The following CMIP variants were observed in gnomAD, a reference collection of about 807,000 sequenced individuals.
The protein encoded by CMIP is c-Maf inducing protein.
CMIP carries 13 observed loss-of-function variants against 97.3 expected under a neutral mutation model. That is an observed-to-expected ratio of 0.13 (90% CI 0.09 to 0.21). The LOEUF (loss-of-function observed/expected upper bound fraction) is 0.21, where lower values mean the gene tolerates loss of function less well. Among genes scored for constraint, CMIP ranks in the 10% least tolerant of loss-of-function variants. The pLI is 1.00. For missense variants in CMIP, 847 were observed against 1,024.9 expected (o/e 0.83, Z 2.37); for synonymous variants, 538 against 436.3 (o/e 1.23, Z -2.91).
At chr16:81,603,225 A>G (rs1329229543) in intron 1 of CMIP, among the ~76,000 whole-genome samples, 1 of 151,824 alleles carries the variant, frequency 6.6e-6, no homozygotes, top group Non-Finnish European at 1.5e-5. Context: ...GACTACAGGC[A>G]CCCGCCACCA....
intron 3 of CMIP, among the ~76,000 whole-genome samples, chr16:81,646,461 G>C (rs1409657141): frequency 1.3e-5 from 2 of 152,166 alleles, no homozygotes; most frequent in African/African-American, 4.8e-5. Context: ...CCCTAGGATA[G>C]CATTTTTAAA....
At chr16:81,637,135 A>G (rs568521873) in intron 3 of CMIP, among the ~76,000 whole-genome samples, 4 of 152,160 alleles carry the variant, frequency 2.6e-5, no homozygotes, top group East Asian at 1.9e-4. Flanking sequence ...CAGTGGCACA[A>G]TCTTGGCTCA....
chr16:81,522,644 A>G (rs971355100), intron 1 of CMIP, among the ~76,000 whole-genome samples: 1 of 152,246 alleles, frequency 6.6e-6, no homozygotes, highest in Non-Finnish European at 1.5e-5. Flanking sequence ...ATAAACAAGC[A>G]AACAGGAAGC....
At chr16:81,540,246 C>G (rs190331050) in intron 1 of CMIP, among the ~76,000 whole-genome samples, 1 of 152,180 alleles carries the variant, frequency 6.6e-6, no homozygotes, top group Non-Finnish European at 1.5e-5. Context: ...GATGAGTCCC[C>G]GGCTTTCCTT....
intron 1 of CMIP, among the ~76,000 whole-genome samples, chr16:81,539,787 C>T (rs1035105034): frequency 6.6e-6 from 1 of 152,224 alleles, no homozygotes; most frequent in African/African-American, 2.4e-5. Flanking sequence ...TCCACTGGAC[C>T]TTCCATGACC....
At position 81,678,438 on chromosome 16, in the gene CMIP, A is replaced by G. The variant is rs987435632; in HGVS notation, c.1198A>G (p.Ser400Gly). The change falls in exon 10 of 21, where the codon AGT becomes GGT. Residue 400 changes from serine (S) to glycine (G), a missense_variant. Ser to Gly is a moderately conservative substitution (Grantham distance 56). Transcript: ENST00000537098. ...GCTCAAGTCGGTGGTCGTGGCCTCCAGTGAGATCCACGTGGAGGTGGAACG... is the reference window on the plus strand; with the variant it reads ...GCTCAAGTCGGTGGTCGTGGCCTCCGGTGAGATCCACGTGGAGGTGGAACG... Reference protein sequence around the residue: ...ARLKSVVVASSEIHVEVERTS... With the variant: ...ARLKSVVVASGEIHVEVERTS... The G allele has an allele frequency of 5.0e-6, 8 of 1,591,144 alleles. No individual in the cohort carries two copies. Among genetic ancestry groups the G allele is most frequent in the East Asian group, 4.6e-5 (2 of 43,130 alleles).
chr16:81,461,185 C>A (rs1906877311), intron 1 of CMIP, among the ~76,000 whole-genome samples: 2 of 152,200 alleles, frequency 1.3e-5, no homozygotes, highest in Admixed American at 6.5e-5. Context: ...CCACTTCCTC[C>A]CATGTGGCAG....
chr16:81,525,489 A>G (rs936595595), intron 1 of CMIP, among the ~76,000 whole-genome samples: 1 of 152,124 alleles, frequency 6.6e-6, no homozygotes, highest in African/African-American at 2.4e-5. Flanking sequence ...TCAAATACAT[A>G]TAACGTAAGG....
chr16:81,485,294 A>G (rs2089297968), intron 1 of CMIP, among the ~76,000 whole-genome samples: 1 of 152,248 alleles, frequency 6.6e-6, no homozygotes, highest in Non-Finnish European at 1.5e-5. Flanking sequence ...AAATACTGCG[A>G]ACGACTTTGA....
At chr16:81,685,326 C>T (rs1167172587) in intron 10 of CMIP, among the ~76,000 whole-genome samples, 1 of 152,176 alleles carries the variant, frequency 6.6e-6, no homozygotes, top group Non-Finnish European at 1.5e-5. Context: ...AGGCCACAGT[C>T]TCCCACTGGA....
At chr16:81,686,976 G>C (rs1443605041) in intron 10 of CMIP, among the ~76,000 whole-genome samples, 1 of 152,046 alleles carries the variant, frequency 6.6e-6, no homozygotes, top group Non-Finnish European at 1.5e-5. Context: ...TCTCTCTGCA[G>C]CGCCTCCCCA....
At chr16:81,449,069 C>G (rs958347886) in intron 1 of CMIP, among the ~76,000 whole-genome samples, 1 of 152,222 alleles carries the variant, frequency 6.6e-6, no homozygotes, top group Non-Finnish European at 1.5e-5. Context: ...CATGTTTGTC[C>G]GTGGGCAGAG....
At position 81,445,064 on chromosome 16, in the gene CMIP, C is replaced by T. The variant is rs140318419; in HGVS notation, c.-178C>T. ...GAAGCGCCGAGGCCGGCCCAGCCCG[C>T]CGCACGCGCCGCCCCCCGCGGGCAG... On this transcript the variant is annotated 5_prime_UTR_variant, in exon 1 of 21. Transcript: ENST00000537098. 20,996 of 228,576 alleles carry T rather than the reference C, an allele frequency of 0.092. 1,647 individuals carry two copies. Among genetic ancestry groups the T allele is most frequent in the East Asian group, 0.41 (4,488 of 11,016 alleles). 14.2% of individuals were successfully genotyped at this position (228,576 alleles called of 1,614,324 possible).
At chr16:81,474,781 T>C (rs1208880273) in intron 1 of CMIP, among the ~76,000 whole-genome samples, 2 of 152,198 alleles carry the variant, frequency 1.3e-5, no homozygotes, top group African/African-American at 4.8e-5. Context: ...TCCTGCCTCC[T>C]TGGTGCCAGG....
At chr16:81,488,298 C>G (rs2089351696) in intron 1 of CMIP, among the ~76,000 whole-genome samples, 1 of 152,164 alleles carries the variant, frequency 6.6e-6, no homozygotes, top group Non-Finnish European at 1.5e-5. Context: ...CCACTTCCTC[C>G]ACTTCCTAGT....
intron 1 of CMIP, among the ~76,000 whole-genome samples, chr16:81,509,674 G>T (rs2089775046): frequency 6.6e-6 from 1 of 152,170 alleles, no homozygotes. Context: ...TTGGGGTCAG[G>T]GCTCCAACCC....
chr16:81,483,823 C>T (rs754890406), intron 1 of CMIP, among the ~76,000 whole-genome samples: 10 of 152,296 alleles, frequency 6.6e-5, no homozygotes, highest in Non-Finnish European at 1.0e-4. Flanking sequence ...TTTCGCAACC[C>T]GTCCTGCAGC....
chr16:81,664,705 A>C, intron 7 of CMIP: 1 of 457,806 alleles, frequency 2.2e-6, no homozygotes, highest in East Asian at 3.4e-5. Flanking sequence ...GCGCACAGCG[A>C]GGTCCTTCCA....
chr16:81,600,691 C>T (rs1014127199), intron 1 of CMIP, among the ~76,000 whole-genome samples: 1 of 152,198 alleles, frequency 6.6e-6, no homozygotes, highest in Admixed American at 6.5e-5. Context: ...GGAATGGACT[C>T]AATGCCCGTG....
Sources: gnomAD v4.1 joint callset for allele counts (sites outside exome capture counted in the v4.1 genomes callset) on GRCh38, gnomAD v4.1.1 for gene constraint, MANE v1.5 for transcripts, NCBI Gene and HGNC (gene_info 2026-07-23, HGNC 2026-07-21) for gene names.